Variants in LPP observed in about 807,000 individuals in gnomAD.
LPP encodes lipoma-preferred partner.
A neutral mutation model predicts 60.4 loss-of-function variants in LPP; 38 were observed. The observed-to-expected ratio is 0.63, with a 90% CI of 0.49 to 0.83. The LOEUF (loss-of-function observed/expected upper bound fraction) is 0.83. Ranked by LOEUF, LPP falls within the 40% of genes least tolerant of loss-of-function variation. The pLI is 0.00. For missense variants in LPP, 902 were observed against 783.6 expected (o/e 1.15, Z -1.80); for synonymous variants, 328 against 290.8 (o/e 1.13, Z -1.30).
intron 8 of LPP, among the ~76,000 whole-genome samples, chr3:188,732,841 T>C (rs1004002488): frequency 1.3e-5 from 2 of 152,038 alleles, no homozygotes; most frequent in Non-Finnish European, 2.9e-5. Context: ...TATTGGGGTA[T>C]AAATTAAACT....
At chr3:188,818,464 A>G (rs1365026143) in intron 9 of LPP, among the ~76,000 whole-genome samples, 1 of 152,172 alleles carries the variant, frequency 6.6e-6, no homozygotes, top group East Asian at 1.9e-4. Context: ...TGTGACTTCA[A>G]CTACACATGG....
In LPP at chr3:188,271,249, C is replaced by T. The variant is rs1343935006; in HGVS notation, c.-67+45722C>T. ...AATGCATTTCCTGCATCTTCATGGT[C>T]TTCTTTCACTTGCCCCTCTTATTGT... On this transcript the variant is annotated intron_variant, in intron 2 of 11. Transcript: ENST00000617246. Among the ~76,000 whole-genome samples the T allele has an allele frequency of 2.0e-5, 3 of 152,322 alleles. No individual in the cohort carries two copies. The East Asian group carries it at 5.8e-4, about 29-fold the overall frequency.
intron 4 of LPP, among the ~76,000 whole-genome samples, chr3:188,434,008 G>GT (rs1791683632): frequency 6.6e-6 from 1 of 152,138 alleles, no homozygotes; most frequent in Admixed American, 6.6e-5. Flanking sequence ...CGTGTCCCAT[G>GT]TTTCTCATGG....
intron 2 of LPP, among the ~76,000 whole-genome samples, chr3:188,335,101 T>G (rs1761284319): frequency 6.6e-6 from 1 of 152,228 alleles, no homozygotes; most frequent in South Asian, 2.1e-4. Flanking sequence ...TGAGCATCTT[T>G]GTCTTGTTCC....
At chr3:188,751,056 T>C (rs761355664) in intron 8 of LPP, among the ~76,000 whole-genome samples, 8 of 152,222 alleles carry the variant, frequency 5.3e-5, no homozygotes, top group Non-Finnish European at 7.3e-5. Context: ...AATGCATTGA[T>C]AAATAAGATA....
chr3:188,456,837 C>T (rs1293848973), intron 4 of LPP, among the ~76,000 whole-genome samples: 3 of 152,156 alleles, frequency 2.0e-5, no homozygotes, highest in Non-Finnish European at 2.9e-5. Context: ...TCTATAATTA[C>T]TTTTAAGATT....
chr3:188,706,009 A>G (rs1486463138), intron 7 of LPP, among the ~76,000 whole-genome samples: 2 of 152,302 alleles, frequency 1.3e-5, no homozygotes, highest in South Asian at 4.1e-4. Context: ...ATATATCTTC[A>G]TGTCCCTCCT....
chr3:188,444,887 A>C (rs1043469648), intron 4 of LPP, among the ~76,000 whole-genome samples: 2 of 152,180 alleles, frequency 1.3e-5, no homozygotes, highest in African/African-American at 2.4e-5. Context: ...TGGAAAAAAA[A>C]CCTCACTATC....
chr3:188,382,933 G>A (rs1777277479), intron 3 of LPP, among the ~76,000 whole-genome samples: 1 of 152,110 alleles, frequency 6.6e-6, no homozygotes, highest in African/African-American at 2.4e-5. Flanking sequence ...CAGCAATGAT[G>A]ACCTTAGTGT....
In LPP at chr3:188,612,558, C is replaced by T. The variant is rs114614364; in HGVS notation, c.1113+2714C>T. ...CTTCAAACCTCAGTAAAGTAGAACA[C>T]CATCTTTACTAATTAATTAATGATT... On this transcript the variant is annotated intron_variant, in intron 7 of 11. Coordinates refer to ENST00000617246, the MANE Select transcript of LPP (RefSeq NM_001375462.1). Among the ~76,000 whole-genome samples, 1,267 of 152,266 alleles carry T rather than the reference C, an allele frequency of 8.3e-3. 16 individuals are homozygous for T. Among genetic ancestry groups the T allele is most frequent in the African/African-American group, 0.028 (1,183 of 41,534 alleles).
At chr3:188,866,798 C>G (rs1766732622) in intron 10 of LPP, among the ~76,000 whole-genome samples, 1 of 152,124 alleles carries the variant, frequency 6.6e-6, no homozygotes, top group Non-Finnish European at 1.5e-5. Context: ...TGTGATGACC[C>G]AGAGTTTTCT....
intron 1 of LPP, among the ~76,000 whole-genome samples, chr3:188,183,974 C>A (rs1441288451): frequency 4.6e-5 from 7 of 152,080 alleles, no homozygotes; most frequent in African/African-American, 7.2e-5. Flanking sequence ...TAGCAGATGT[C>A]AAAAATGGAG....
chr3:188,306,450 C>T (rs1052506618), intron 2 of LPP, among the ~76,000 whole-genome samples: 2 of 152,120 alleles, frequency 1.3e-5, no homozygotes, highest in Admixed American at 6.5e-5. Context: ...CTAATGTTTG[C>T]AAAGCTCCTA....
At chr3:188,834,607 C>G (rs6785000) in intron 9 of LPP, among the ~76,000 whole-genome samples, 34,373 of 152,036 alleles carry the variant, frequency 0.23, 5,526 homozygotes, top group East Asian at 0.8. Context: ...GTTTCCGCCA[C>G]CAGGTGGTGA....
chr3:188,676,030 G>A (rs1381596747), intron 7 of LPP, among the ~76,000 whole-genome samples: 1 of 152,112 alleles, frequency 6.6e-6, no homozygotes, highest in Non-Finnish European at 1.5e-5. Context: ...TACTGGAAAT[G>A]AAAGATTACT....
chr3:188,825,265 CTCTCTGTGTGTGTG>C (rs1378581771), intron 9 of LPP, among the ~76,000 whole-genome samples: 1 of 100,622 alleles, frequency 9.9e-6, no homozygotes, highest in African/African-American at 3.8e-5. Flanking sequence ...CTCTCTCTCT[CTCTCTGTGTGTGTG>C]TGTGTGTGTG....
intron 5 of LPP, among the ~76,000 whole-genome samples, chr3:188,495,083 T>TATATATATATATATATATATATATTTA (rs57578460): frequency 5.1e-5 from 4 of 77,786 alleles, no homozygotes; most frequent in East Asian, 5.4e-4. Flanking sequence ...TATATATATA[T>TATATATATATATATATATATATATTTA]TTTATTTATA....
chr3:188,321,466 A>G (rs1000964117), intron 2 of LPP, among the ~76,000 whole-genome samples: 10 of 152,226 alleles, frequency 6.6e-5, no homozygotes, highest in African/African-American at 2.2e-4. Context: ...CATGGATCAG[A>G]GTCAATTGAC....
At chr3:188,262,270 A>C (rs947739545) in intron 2 of LPP, among the ~76,000 whole-genome samples, 2 of 152,086 alleles carry the variant, frequency 1.3e-5, no homozygotes, top group African/African-American at 4.8e-5. Flanking sequence ...ATTCCCTACC[A>C]AGCACGATTA....
Sources: allele counts gnomAD v4.1 joint callset (sites outside exome capture counted in the v4.1 genomes callset), GRCh38; gene constraint gnomAD v4.1.1; transcripts MANE v1.5; gene names NCBI Gene and HGNC (gene_info 2026-07-23, HGNC 2026-07-21).